NCALD: variants seen among roughly 807,000 people sequenced by gnomAD.
NCALD encodes the protein neurocalcin delta.
A neutral mutation model predicts 18.6 loss-of-function variants in NCALD; 10 were observed. The ratio of observed to expected loss-of-function variants is 0.54; its 90% CI spans 0.33 to 0.91. NCALD has a LOEUF of 0.91. NCALD is among the 40% of genes least tolerant of loss of function. The pLI is 0.03. For synonymous variants in NCALD, 88 were observed against 87.4 expected, an observed-to-expected ratio of 1.01 and a Z score of -0.04; for missense variants, 184 against 247.6, an observed-to-expected ratio of 0.74 and a Z score of 1.72.
chr8:102,056,570 G>A (rs192957842), intron 1 of NCALD, among the ~76,000 whole-genome samples: 81 of 152,354 alleles, frequency 5.3e-4, no homozygotes, highest in African/African-American at 1.9e-3. Context: ...TGGTCATGGT[G>A]AGGAGGCCAG....
chr8:101,820,759 A>G (rs1041934350), intron 4 of NCALD, among the ~76,000 whole-genome samples: 1 of 152,222 alleles, frequency 6.6e-6, no homozygotes, highest in Non-Finnish European at 1.5e-5. Context: ...CGAAGCTACA[A>G]ATGCCAGGAT....
chr8:102,005,891 CA>C (rs1161561834), intron 2 of NCALD, among the ~76,000 whole-genome samples: 6 of 53,320 alleles, frequency 1.1e-4, no homozygotes, highest in Non-Finnish European at 1.5e-4. Flanking sequence ...GGTGGGGGGG[CA>C]GGGGGGAGGG....
chr8:101,768,711 A>C (rs1811453798), intron 1 of NCALD, among the ~76,000 whole-genome samples: 1 of 80,392 alleles, frequency 1.2e-5, no homozygotes, highest in African/African-American at 3.8e-5. Flanking sequence ...TCCATCTCAA[A>C]AAACAAAAAA....
intron 4 of NCALD, among the ~76,000 whole-genome samples, chr8:101,807,233 A>C (rs1813136893): frequency 6.6e-6 from 1 of 152,178 alleles, no homozygotes; most frequent in Non-Finnish European, 1.5e-5. Flanking sequence ...TAATTATAAA[A>C]GATGTCACAA....
chr8:101,919,317 G>A (rs529717007), intron 2 of NCALD, among the ~76,000 whole-genome samples: 7 of 152,114 alleles, frequency 4.6e-5, no homozygotes, highest in Non-Finnish European at 1.0e-4. Context: ...TCAGATAGCT[G>A]GCTAGCCACA....
In NCALD at chr8:101,724,651, G is replaced by A. The variant is rs117168201; in HGVS notation, c.-19-5003C>T. On this transcript the variant is annotated intron_variant, in intron 1 of 3. Coordinates refer to ENST00000220931, the MANE Select transcript of NCALD (RefSeq NM_032041.3). Reference sequence around the variant, plus strand: ...ATGAAAATGATGCCTTATCCTAGATGATCTTTCATGTGACATCCTATTAAA... The same window carrying A: ...ATGAAAATGATGCCTTATCCTAGATAATCTTTCATGTGACATCCTATTAAA... Among the ~76,000 whole-genome samples, 165 of 152,348 alleles carry A rather than the reference G, an allele frequency of 1.1e-3. 2 individuals are homozygous for A. The East Asian group carries it at 0.025, about 23-fold the overall frequency.
At chr8:102,119,275 C>T (rs907052003) in intron 1 of NCALD, among the ~76,000 whole-genome samples, 4 of 152,088 alleles carry the variant, frequency 2.6e-5, no homozygotes, top group Non-Finnish European at 1.5e-5. Flanking sequence ...TGTTACAACA[C>T]GGATGATCTC....
At chr8:101,928,600 CTTTT>C (rs58400436) in intron 2 of NCALD, among the ~76,000 whole-genome samples, 2 of 143,724 alleles carry the variant, frequency 1.4e-5, no homozygotes, top group African/African-American at 5.0e-5. Context: ...GCTATGGACA[CTTTT>C]TTTTTTTTTT....
chr8:101,902,156 T>G (rs1817451886), intron 3 of NCALD, among the ~76,000 whole-genome samples: 2 of 152,178 alleles, frequency 1.3e-5, no homozygotes, highest in Admixed American at 1.3e-4. Context: ...TGCCCTCTTT[T>G]TTTTCTTCAG....
intron 1 of NCALD, among the ~76,000 whole-genome samples, chr8:101,779,592 GA>G (rs1811932021): frequency 1.3e-5 from 2 of 152,182 alleles, no homozygotes; most frequent in South Asian, 4.1e-4. Context: ...GGTCAAAGGG[GA>G]AGGTCACTAG....
chr8:101,690,176 A>C, intron 3 of NCALD: 1 of 710,236 alleles, frequency 1.4e-6, no homozygotes, highest in African/African-American at 4.7e-5. Context: ...TCTTCCAGGA[A>C]GGCCTGTCAC....
At chr8:102,011,828 T>A (rs2132067965) in intron 2 of NCALD, among the ~76,000 whole-genome samples, 1 of 152,340 alleles carries the variant, frequency 6.6e-6, no homozygotes, top group African/African-American at 2.4e-5. Context: ...TCCTTCCTGT[T>A]AGTTAAAGCA....
chr8:102,008,917 T>TACACACAC (rs761346653), intron 2 of NCALD, among the ~76,000 whole-genome samples: 767 of 38,522 alleles, frequency 0.02, 12 homozygotes, highest in African/African-American at 0.038. Flanking sequence ...CCCGCCCCCC[T>TACACACAC]ACACACACAC....
chr8:102,100,587 CAG>C (rs1422858150), intron 1 of NCALD, among the ~76,000 whole-genome samples: 4 of 152,072 alleles, frequency 2.6e-5, no homozygotes, highest in Non-Finnish European at 5.9e-5. Flanking sequence ...TTGAGGGACT[CAG>C]AGAGTTTACA....
At chr8:101,829,658 GCA>G (rs60177999) in intron 4 of NCALD, among the ~76,000 whole-genome samples, 102,811 of 151,150 alleles carry the variant, frequency 0.68, 35,932 homozygotes, top group Middle Eastern at 0.78. Context: ...CCCATACGTG[GCA>G]CACACACACA....
At position 101,968,655 on chromosome 8, in the gene NCALD, G is replaced by T. The variant is rs929687464; in HGVS notation, c.-157+51582C>A. Reference sequence around the variant, plus strand: ...GCCCAGTACCTGGCACAAGGAAAGGGCTTGTAGTTTCTTTCCCTACTTCCT... The same window carrying T: ...GCCCAGTACCTGGCACAAGGAAAGGTCTTGTAGTTTCTTTCCCTACTTCCT... On this transcript the variant is annotated intron_variant, in intron 2 of 6. Transcript: ENST00000311028. Among the ~76,000 whole-genome samples, 12 of 152,004 alleles carry T rather than the reference G, an allele frequency of 7.9e-5. No homozygotes were observed. The East Asian group carries it at 2.3e-3, about 29-fold the overall frequency.
At position 102,050,937 on chromosome 8, in the gene NCALD, AT is replaced by A. The variant is rs562721168; in HGVS notation, c.-209-30649del. ...AAGTATATAATTTATATATAAATAA[AT>A]TTTTGTATATAATTTATATATACAA... is the stretch of plus-strand genomic sequence containing the variant. On this transcript the variant is annotated intron_variant, in intron 1 of 6. Transcript: ENST00000311028. Among the ~76,000 whole-genome samples, 38 of 147,474 alleles carry A rather than the reference AT, an allele frequency of 2.6e-4. 1 individual carries two copies. Among genetic ancestry groups the A allele is most frequent in the African/African-American group, 8.3e-4 (34 of 40,758 alleles).
intron 2 of NCALD, among the ~76,000 whole-genome samples, chr8:101,993,400 C>T (rs1310635423): frequency 1.3e-5 from 2 of 152,190 alleles, no homozygotes; most frequent in Admixed American, 6.5e-5. Context: ...AACACAAATA[C>T]ATCTGCTAAT....
chr8:101,828,063 A>G (rs546885080), intron 4 of NCALD, among the ~76,000 whole-genome samples: 1 of 152,356 alleles, frequency 6.6e-6, no homozygotes, highest in South Asian at 2.1e-4. Flanking sequence ...AACACTTAGC[A>G]TCTTCACTCT....
Sources: allele counts gnomAD v4.1 joint callset (sites outside exome capture counted in the v4.1 genomes callset), GRCh38; gene constraint gnomAD v4.1.1; transcripts MANE v1.5; gene names NCBI Gene and HGNC (gene_info 2026-07-23, HGNC 2026-07-21).